The following RSPH1 variants were observed in gnomAD, a reference collection of about 807,000 sequenced individuals.
RSPH1 encodes the protein radial spoke head component 1, also known as radial spoke head 1 homolog.
Under a neutral mutation model 44.2 loss-of-function variants are expected in RSPH1, and 32 were observed. The ratio of observed to expected loss-of-function variants is 0.72; its 90% CI spans 0.55 to 0.97. RSPH1 has a LOEUF of 0.97. Among genes scored for constraint, RSPH1 ranks in the 50% least tolerant of loss-of-function variants. RSPH1 has a pLI of 0.00. For missense variants in RSPH1, 391 were observed against 398.7 expected, an observed-to-expected ratio of 0.98 and a Z score of 0.16; for synonymous variants, 134 against 147.3, an observed-to-expected ratio of 0.91 and a Z score of 0.65.
chr21:42,484,946 T>C (rs1304584561), intron 5 of RSPH1: 3 of 152,220 alleles, frequency 2.0e-5, no homozygotes, highest in Admixed American at 6.5e-5. Context: ...TTGTATCAGC[T>C]AAACATTCCC....
At chr21:42,489,761 T>TC (rs141028714) in intron 3 of RSPH1, among the ~76,000 whole-genome samples, 5,788 of 152,276 alleles carry the variant, frequency 0.038, 149 homozygotes, top group Middle Eastern at 0.088. Context: ...CTGCATGCAT[T>TC]CCCCAAGGTC....
intron 5 of RSPH1, among the ~76,000 whole-genome samples, chr21:42,483,260 A>T (rs1022109126): frequency 3.2e-4 from 49 of 151,162 alleles, no homozygotes; most frequent in African/African-American, 1.2e-3. Context: ...TTTTACAAAG[A>T]ACGCTCCAGC....
chr21:42,477,743 C>T (rs1173306230), intron 6 of RSPH1, among the ~76,000 whole-genome samples: 2 of 152,180 alleles, frequency 1.3e-5, no homozygotes, highest in Non-Finnish European at 2.9e-5. Context: ...CAGTCGCCTG[C>T]AATAGCTAAG....
intron 8 of RSPH1, 114 bp downstream of exon 8, chr21:42,475,784 C>G: frequency 8.1e-7 from 1 of 1,240,366 alleles, no homozygotes; most frequent in Non-Finnish European, 1.1e-6. Context: ...CTAAGCCTTC[C>G]TCGAGTCCCT....
intron 5 of RSPH1, 129 bp downstream of exon 5, chr21:42,485,540 C>T (rs2054170655): frequency 1.9e-6 from 2 of 1,040,720 alleles, no homozygotes; most frequent in Admixed American, 2.1e-5. Flanking sequence ...CTGTCCTGTT[C>T]TCCACATTTG....
intron 6 of RSPH1, among the ~76,000 whole-genome samples, 187 bp from the exon 7 acceptor site, chr21:42,477,631 G>A (rs1218284707): frequency 1.3e-5 from 2 of 152,164 alleles, no homozygotes; most frequent in African/African-American, 4.8e-5. Context: ...GGTTGAGAAT[G>A]GATCTTGAAA....
intron 7 of RSPH1, among the ~76,000 whole-genome samples, chr21:42,476,608 G>A (rs1046870274): frequency 7.9e-5 from 12 of 152,030 alleles, no homozygotes; most frequent in Non-Finnish European, 1.3e-4. Context: ...GGTGCCACAC[G>A]GACCCTTCTT....
In RSPH1 at chr21:42,485,682, A is replaced by G; in HGVS notation, c.488T>C (p.Phe163Ser). ...IHLNHRYQGKFLNKNPVGPGK... is the reference protein window; with the variant it reads ...IHLNHRYQGKSLNKNPVGPGK... ...CCATGGACTTACATTTTTGTTCAAG[A>G]ACTTGCCCTGGTACCTGTGGTTCAG... Residue 163 changes from phenylalanine to serine, a missense_variant, in exon 5 of 9, where the codon TTC (phenylalanine) becomes TCC (serine). Physicochemically the swap from Phe to Ser is radical, Grantham distance 155. Coordinates refer to ENST00000291536, the MANE Select transcript of RSPH1 (RefSeq NM_080860.4). 1.2e-6 allele frequency: 2 copies of G among 1,614,172 alleles called. No homozygotes were observed. Among genetic ancestry groups the G allele is most frequent in the Non-Finnish European group, 1.7e-6 (2 of 1,180,010 alleles).
chr21:42,489,731 G>A (rs2054217523), intron 3 of RSPH1, among the ~76,000 whole-genome samples: 1 of 152,202 alleles, frequency 6.6e-6, no homozygotes, highest in Non-Finnish European at 1.5e-5. Context: ...TACAGATGCA[G>A]AACCTGAAAA....
intron 6 of RSPH1, among the ~76,000 whole-genome samples, chr21:42,478,539 G>T (rs2146646389): frequency 6.6e-6 from 1 of 152,334 alleles, no homozygotes; most frequent in Admixed American, 6.5e-5. Flanking sequence ...GCACTAGTTT[G>T]GGAACTGCAC....
rs2054021920 is a variant in RSPH1, at chr21:42,474,299, T to C, written c.878-1429A>G. ...ACTCTGCTCTCTGCCTGGAATTTCC[T>C]TCCTGGTTTCACCCATTCCTTGCCA... On this transcript the variant is annotated intron_variant, in intron 8 of 8. Transcript: ENST00000291536. The surrounding 1 kb of genome is among the most constrained non-coding windows in gnomAD (Gnocchi z 5.2). Among the ~76,000 whole-genome samples the C allele has an allele frequency of 6.6e-6, 1 of 152,162 alleles. No homozygotes were observed. Among genetic ancestry groups the C allele is most frequent in the African/African-American group, 2.4e-5 (1 of 41,436 alleles).
Position 42,472,836 on chromosome 21 carries a change from C to A in RSPH1, c.912G>T (p.Gln304His). ...CTTCATCTTAGTCCTGGAGGTCTGA[C>A]TGTCTAGTTTCTTCTTCTTCAGAAT... is the stretch of plus-strand genomic sequence containing the variant. ...NINSEEEETR[Q>H]SDLQD is the part of the protein sequence containing the mutation. The change falls in exon 9 of 9, where the codon CAG becomes CAT. Residue 304 changes from glutamine (Q) to histidine (H), a missense_variant. Transcript: ENST00000291536. The A allele has an allele frequency of 2.5e-6, 4 of 1,610,428 alleles. No homozygotes were observed. The highest frequency in any genetic ancestry group is 2.5e-6 in the Non-Finnish European group (3 of 1,176,766).
At chr21:42,493,253 G>A (rs540567461) in intron 1 of RSPH1, among the ~76,000 whole-genome samples, 174 bp from the exon 2 acceptor site, 6 of 152,262 alleles carry the variant, frequency 3.9e-5, no homozygotes, top group African/African-American at 1.4e-4. Context: ...CAACGCCTGG[G>A]CTAGATGAGG....
At chr21:42,478,217 G>T (rs982222775) in intron 6 of RSPH1, among the ~76,000 whole-genome samples, 1 of 152,262 alleles carries the variant, frequency 6.6e-6, no homozygotes, top group African/African-American at 2.4e-5. Context: ...TCAGCACTAT[G>T]ACTATGGAAC....
At chr21:42,475,034 T>C (rs1415791092) in intron 8 of RSPH1, among the ~76,000 whole-genome samples, 1 of 152,156 alleles carries the variant, frequency 6.6e-6, no homozygotes, top group African/African-American at 2.4e-5. Context: ...CACGACACCC[T>C]CTTTCAGTCA....
chr21:42,496,084 C>G (rs768910645), intron 1 of RSPH1, 49 bp downstream of exon 1: 10 of 1,609,454 alleles, frequency 6.2e-6, no homozygotes, highest in Non-Finnish European at 8.5e-6. Flanking sequence ...CTCGAGGTTC[C>G]CCCGCCGCTG....
intron 4 of RSPH1, 173 bp from the exon 5 acceptor site, chr21:42,485,977 G>C: frequency 1.3e-6 from 1 of 774,564 alleles, no homozygotes; most frequent in Non-Finnish European, 2.1e-6. Flanking sequence ...TGTGCCCCAA[G>C]CACAGGACAT....
chr21:42,491,892 G>T (rs1470350123), intron 3 of RSPH1, among the ~76,000 whole-genome samples: 1 of 152,224 alleles, frequency 6.6e-6, no homozygotes, highest in African/African-American at 2.4e-5. Context: ...ATCAGGCAAG[G>T]TTGCAGGTGT....
At chr21:42,492,375 T>C (rs1187430217) in intron 3 of RSPH1, among the ~76,000 whole-genome samples, 5 of 152,306 alleles carry the variant, frequency 3.3e-5, no homozygotes, top group Admixed American at 3.3e-4. Flanking sequence ...AACACATCCG[T>C]CAGATGGCGG....
Sources: allele counts gnomAD v4.1 joint callset (sites outside exome capture counted in the v4.1 genomes callset), GRCh38; gene constraint gnomAD v4.1.1; non-coding constraint Gnocchi (gnomAD v3.1); transcripts MANE v1.5; gene names NCBI Gene and HGNC (gene_info 2026-07-23, HGNC 2026-07-21).